The following GAB1 variants were observed in gnomAD, a reference collection of about 807,000 sequenced individuals.
GAB1 encodes GRB2 associated binding protein 1.
Under a neutral mutation model 66.5 loss-of-function variants are expected in GAB1, and 19 were observed. That is an observed-to-expected ratio of 0.29 (90% CI 0.20 to 0.42). GAB1 has a LOEUF of 0.42. GAB1 is among the 10% of genes least tolerant of loss of function. The pLI, the probability that GAB1 is intolerant of heterozygous loss-of-function variation, is 1.00. For missense variants in GAB1, 732 were observed against 858.5 expected (o/e 0.85, Z 1.84); for synonymous variants, 294 against 301.4 (o/e 0.98, Z 0.25).
At chr4:143,425,804 G>A (rs758227997) in intron 2 of GAB1, 18 of 814,728 alleles carry the variant, frequency 2.2e-5, no homozygotes, top group Non-Finnish European at 3.9e-5. Flanking sequence ...GCATGCAGGT[G>A]CCTTCTGTGC....
At chr4:143,453,679 T>C (rs1735035353) in intron 6 of GAB1, among the ~76,000 whole-genome samples, 1 of 152,162 alleles carries the variant, frequency 6.6e-6, no homozygotes, top group Non-Finnish European at 1.5e-5. Context: ...GCAATACAAA[T>C]ACTCTTCTAA....
chr4:143,361,056 T>G (rs1015446541), intron 1 of GAB1, among the ~76,000 whole-genome samples: 9 of 152,146 alleles, frequency 5.9e-5, no homozygotes, highest in African/African-American at 2.2e-4. Flanking sequence ...CCTAATGGAA[T>G]GGCATCACTG....
intron 8 of GAB1, among the ~76,000 whole-genome samples, chr4:143,465,201 A>G (rs1735718814): frequency 6.6e-6 from 1 of 152,156 alleles, no homozygotes; most frequent in South Asian, 2.1e-4. Context: ...GGGAATATAT[A>G]GGGACTTAGG....
chr4:143,361,725 T>C (rs1729668900), intron 1 of GAB1, among the ~76,000 whole-genome samples: 1 of 152,168 alleles, frequency 6.6e-6, no homozygotes, highest in South Asian at 2.1e-4. Context: ...CTTTGGGAAC[T>C]GCATCACTGC....
At chr4:143,437,882 A>T in intron 3 of GAB1, 117 bp from the exon 4 acceptor site, 1 of 1,018,616 alleles carries the variant, frequency 9.8e-7, no homozygotes, top group East Asian at 2.5e-5. Context: ...TATGGATCAC[A>T]CAAAAAATCT....
At chr4:143,345,898 T>C (rs1406037471) in intron 1 of GAB1, among the ~76,000 whole-genome samples, 3 of 152,234 alleles carry the variant, frequency 2.0e-5, no homozygotes, top group Non-Finnish European at 4.4e-5. Context: ...GTAGTTTTTG[T>C]TTTAAATAGA....
intron 6 of GAB1, among the ~76,000 whole-genome samples, chr4:143,443,592 A>G (rs76887095): frequency 0.012 from 1,764 of 152,288 alleles, 28 homozygotes; most frequent in African/African-American, 0.04. Context: ...TTTAATTTCA[A>G]ATTTCATGAC....
chr4:143,344,509 C>T (rs1490220856), intron 1 of GAB1, among the ~76,000 whole-genome samples: 1 of 152,206 alleles, frequency 6.6e-6, no homozygotes, highest in Non-Finnish European at 1.5e-5. Context: ...ATTCTCCCCT[C>T]TTGGGGTATA....
intron 2 of GAB1, among the ~76,000 whole-genome samples, chr4:143,431,255 A>G (rs1198022876): frequency 6.6e-6 from 1 of 152,212 alleles, no homozygotes; most frequent in Non-Finnish European, 1.5e-5. Context: ...AGGCAAAAAC[A>G]GATTTTGAGA....
chr4:143,437,401 A>G (rs1733993287), intron 3 of GAB1, among the ~76,000 whole-genome samples: 1 of 152,216 alleles, frequency 6.6e-6, no homozygotes, highest in African/African-American at 2.4e-5. Flanking sequence ...TGTATCACGT[A>G]TTTCGATCCT....
In GAB1 at chr4:143,455,660, C is replaced by T. The variant is rs189441693; in HGVS notation, c.1586-3725C>T. Among the ~76,000 whole-genome samples, 303 of 152,276 alleles carry T rather than the reference C, an allele frequency of 2.0e-3. 1 individual carries two copies. Among genetic ancestry groups the T allele is most frequent in the African/African-American group, 6.9e-3 (287 of 41,546 alleles). On this transcript the variant is annotated intron_variant, in intron 6 of 9. Coordinates refer to ENST00000262994, the MANE Select transcript of GAB1 (RefSeq NM_002039.4). ...GTGTGTCAGCTCTCTGTGGCATTCA[C>T]GTAGATGTCCCCCCAAGCCACATCT...
chr4:143,342,625 A>G (rs895392371), intron 1 of GAB1, among the ~76,000 whole-genome samples: 1 of 126,078 alleles, frequency 7.9e-6, no homozygotes, highest in African/African-American at 3.1e-5. Flanking sequence ...ATCTTGGCTC[A>G]TGGCTCACTG....
chr4:143,344,114 G>A (rs1241069008), intron 1 of GAB1, among the ~76,000 whole-genome samples: 1 of 152,200 alleles, frequency 6.6e-6, no homozygotes, highest in African/African-American at 2.4e-5. Flanking sequence ...TTACAACAGA[G>A]AGGGAGCATG....
At chr4:143,440,044 TTTTG>T (rs1169611724) in intron 5 of GAB1, 31 bp from the exon 6 acceptor site, 4 of 1,570,492 alleles carry the variant, frequency 2.5e-6, no homozygotes, top group South Asian at 2.3e-5. Context: ...TGACAAGAGT[TTTTG>T]TTTATTAAAA....
chr4:143,372,833 C>A (rs1307459833), intron 1 of GAB1, among the ~76,000 whole-genome samples: 2 of 152,126 alleles, frequency 1.3e-5, no homozygotes, highest in African/African-American at 4.8e-5. Flanking sequence ...TCTGGTTTTG[C>A]CAACAGTTTC....
intron 1 of GAB1, among the ~76,000 whole-genome samples, chr4:143,339,955 G>A (rs1218618958): frequency 6.6e-6 from 1 of 152,164 alleles, no homozygotes; most frequent in African/African-American, 2.4e-5. Context: ...GATAGTCCTG[G>A]AAGACAGTAG....
intron 1 of GAB1, chr4:143,395,009 G>C (rs1370868305): frequency 6.6e-6 from 1 of 152,194 alleles, no homozygotes; most frequent in East Asian, 1.9e-4. Context: ...AGCCTGTACA[G>C]CTACCAGGAT....
At chr4:143,440,016 C>A (rs1227714594) in intron 5 of GAB1, 63 bp from the exon 6 acceptor site, 10 of 1,486,912 alleles carry the variant, frequency 6.7e-6, no homozygotes, top group African/African-American at 1.4e-5. Context: ...GTGTGACTTA[C>A]AATTGTGTTT....
At chr4:143,447,811 C>T (rs1389690630) in intron 6 of GAB1, among the ~76,000 whole-genome samples, 1 of 152,124 alleles carries the variant, frequency 6.6e-6, no homozygotes, top group Non-Finnish European at 1.5e-5. Flanking sequence ...CTGGCCAGAA[C>T]TTCCAACACT....
Sources: allele counts gnomAD v4.1 joint callset (sites outside exome capture counted in the v4.1 genomes callset), GRCh38; gene constraint gnomAD v4.1.1; transcripts MANE v1.5; gene names NCBI Gene and HGNC (gene_info 2026-07-23, HGNC 2026-07-21).